Variants in ABCC9 observed in about 807,000 individuals in gnomAD.
ABCC9 encodes the protein ATP-binding cassette sub-family C member 9.
In ABCC9, 95 loss-of-function variants were observed where a neutral mutation model predicts 188.3. The observed-to-expected ratio is 0.50, with a 90% CI of 0.43 to 0.60. The LOEUF (loss-of-function observed/expected upper bound fraction) is 0.60. Among genes scored for constraint, ABCC9 ranks in the 20% least tolerant of loss-of-function variants. ABCC9 has a pLI of 0.00. For missense variants in ABCC9, 1,102 were observed against 1,876.3 expected, an observed-to-expected ratio of 0.59 and a Z score of 7.62; for synonymous variants, 659 against 652.7, an observed-to-expected ratio of 1.01 and a Z score of -0.15.
Position 21,816,919 on chromosome 12 carries a change from G to T in ABCC9, c.3892+268C>A, listed in dbSNP as rs560326843. Among the ~76,000 whole-genome samples, 9 of 152,164 alleles carry T rather than the reference G, an allele frequency of 5.9e-5. No homozygotes were observed. In the South Asian group the frequency reaches 1.7e-3, roughly 28 times the overall value. ...GGGAATATAGTAGTTTATAGTTTAG[G>T]TCAGCAATTAATGTAATAAATCCCA... On this transcript the variant is annotated intron_variant, in intron 33 of 39. Transcript: ENST00000261200.
At chr12:21,801,884 T>C (rs1055529983) in intron 39 of ABCC9, among the ~76,000 whole-genome samples, 6 of 152,204 alleles carry the variant, frequency 3.9e-5, no homozygotes, top group African/African-American at 1.2e-4. Flanking sequence ...CTCCACTTTA[T>C]AGGGGAGACC....
Position 21,910,202 on chromosome 12 carries a change from CAT to C in ABCC9, c.1273_1274del (p.Met425ValfsTer25), listed in dbSNP as rs753555698. 5 of 1,611,616 alleles carry C rather than the reference CAT, an allele frequency of 3.1e-6. No homozygotes were observed. The highest frequency in any genetic ancestry group is 1.1e-5 in the South Asian group (1 of 91,014). On this transcript the variant is annotated frameshift_variant, in exon 10 of 40. Coordinates refer to ENST00000261200, the MANE Select transcript of ABCC9 (RefSeq NM_020297.4). LOFTEE classifies it high-confidence loss of function. ...NLVAIETNQLMWFLFLCPNLW... is the reference protein window; with the variant it reads ...NLVAIETNQLXWFLFLCPNLW... ...GATTGGGACACAGGAACAAAAACCA[CAT>C]GAGTTGATTAGTTTCAATGGCGACT...
intron 30 of ABCC9, among the ~76,000 whole-genome samples, chr12:21,836,221 C>T (rs1944077544): frequency 6.6e-6 from 1 of 152,162 alleles, no homozygotes; most frequent in Non-Finnish European, 1.5e-5. Flanking sequence ...TTGTGATGAA[C>T]ACAACTCTGA....
intron 30 of ABCC9, among the ~76,000 whole-genome samples, chr12:21,831,385 C>G (rs1217568922): frequency 2.0e-5 from 3 of 152,030 alleles, no homozygotes; most frequent in Non-Finnish European, 4.4e-5. Context: ...CAATCATCCA[C>G]TCTAAGCAAG....
chr12:21,826,807 A>G (rs1195404385), intron 31 of ABCC9, among the ~76,000 whole-genome samples: 1 of 152,162 alleles, frequency 6.6e-6, no homozygotes, highest in Non-Finnish European at 1.5e-5. Flanking sequence ...CTTGCAATAA[A>G]TCAACAAACG....
intron 14 of ABCC9, 115 bp from the exon 15 acceptor site, chr12:21,888,049 A>G: frequency 1.2e-6 from 1 of 800,950 alleles, no homozygotes; most frequent in South Asian, 1.4e-5. Flanking sequence ...TGCCTGTGAG[A>G]GTCATTTTTC....
intron 16 of ABCC9, among the ~76,000 whole-genome samples, chr12:21,878,112 G>A (rs2137621013): frequency 6.6e-6 from 1 of 152,250 alleles, no homozygotes; most frequent in Non-Finnish European, 1.5e-5. Flanking sequence ...AGATAGAGGG[G>A]ATGCAGTTCC....
intron 18 of ABCC9, among the ~76,000 whole-genome samples, chr12:21,871,765 T>TA (rs1446692623): frequency 6.6e-6 from 1 of 152,142 alleles, no homozygotes; most frequent in Non-Finnish European, 1.5e-5. Flanking sequence ...ACCAGGCCAG[T>TA]AGCAACCCAA....
At chr12:21,848,828 G>A (rs996243427) in intron 24 of ABCC9, among the ~76,000 whole-genome samples, 3 of 146,860 alleles carry the variant, frequency 2.0e-5, no homozygotes, top group Admixed American at 6.7e-5. Flanking sequence ...GCCTAGCAGT[G>A]TAAGAGAAAG....
At chr12:21,889,426 G>T (rs995263548) in intron 14 of ABCC9, among the ~76,000 whole-genome samples, 4 of 152,114 alleles carry the variant, frequency 2.6e-5, no homozygotes, top group Admixed American at 1.3e-4. Flanking sequence ...GTTTTGAAAA[G>T]ATTTGATTTT....
rs1432659325 is a variant in ABCC9 at position 21,829,074 on chromosome 12, A to C, written c.3567-14T>G. The C allele has an allele frequency of 3.8e-6, 6 of 1,594,874 alleles. No individual in the cohort carries two copies. The highest frequency in any genetic ancestry group is 5.2e-6 in the Non-Finnish European group (6 of 1,162,668). ...CTGGTTTCATGCCTGCAGAAAACAA[A>C]AACACGATGTTAACCACACAACAGG... On this transcript the variant is annotated splice_polypyrimidine_tract_variant and intron_variant, in intron 30 of 39. Transcript: ENST00000261200.
intron 27 of ABCC9, 37 bp downstream of exon 27, chr12:21,844,730 T>A (rs780740257): frequency 6.2e-7 from 1 of 1,610,790 alleles, no homozygotes; most frequent in South Asian, 1.1e-5. Flanking sequence ...ATTTTTATTA[T>A]TTTATGTGTG....
intron 18 of ABCC9, among the ~76,000 whole-genome samples, chr12:21,869,925 T>C (rs972349642): frequency 1.3e-5 from 2 of 152,178 alleles, no homozygotes; most frequent in African/African-American, 4.8e-5. Context: ...ATACTAAACA[T>C]GGAAGATGGT....
intron 9 of ABCC9, 49 bp from the exon 10 acceptor site, chr12:21,910,361 A>C: frequency 6.7e-7 from 1 of 1,488,554 alleles, no homozygotes; most frequent in Non-Finnish European, 9.1e-7. Flanking sequence ...CTTAAAATTG[A>C]CACTATGATT....
intron 5 of ABCC9, chr12:21,924,038 G>T (rs757862971): frequency 2.3e-6 from 1 of 439,060 alleles, no homozygotes; most frequent in Non-Finnish European, 4.0e-6. Context: ...TTTACATGAA[G>T]TTCTAGAACA....
chr12:21,825,230 T>C (rs1943298733), intron 31 of ABCC9, among the ~76,000 whole-genome samples: 1 of 152,246 alleles, frequency 6.6e-6, no homozygotes, highest in Admixed American at 6.5e-5. Context: ...TGGAAGACAG[T>C]GTGGCCATTC....
rs554768277 is a variant in ABCC9 at position 21,835,607 on chromosome 12, T to A, written c.3566+2471A>T. On this transcript the variant is annotated intron_variant, in intron 30 of 39. Coordinates refer to ENST00000261200, the MANE Select transcript of ABCC9 (RefSeq NM_020297.4). ...ACCTAAGAGGACCAGCTCTGTTTAA[T>A]GAGGCAGCAATTGGCAGATCATATT... 2.6e-5 allele frequency among the ~76,000 whole-genome samples: 4 copies of A among 152,300 alleles called. No individual in the cohort carries two copies. The South Asian group carries it at 8.3e-4, about 32-fold the overall frequency.
intron 2 of ABCC9, among the ~76,000 whole-genome samples, chr12:21,937,106 C>A (rs1683242877): frequency 6.6e-6 from 1 of 152,102 alleles, no homozygotes; most frequent in Non-Finnish European, 1.5e-5. Context: ...TGAAAATGTA[C>A]TAATAAACAA....
intron 19 of ABCC9, among the ~76,000 whole-genome samples, chr12:21,863,759 C>A (rs1272431587): frequency 6.6e-6 from 1 of 152,034 alleles, no homozygotes; most frequent in Non-Finnish European, 1.5e-5. Context: ...ATGGGAAGGG[C>A]AGGTCAGTTT....
Sources: gnomAD v4.1 joint callset for allele counts (sites outside exome capture counted in the v4.1 genomes callset) on GRCh38, gnomAD v4.1.1 for gene constraint, MANE v1.5 for transcripts, NCBI Gene and HGNC (gene_info 2026-07-23, HGNC 2026-07-21) for gene names.